The following MRPL47 variants were observed in gnomAD, a reference collection of about 807,000 sequenced individuals.
MRPL47 encodes mitochondrial ribosomal protein L47, also known as large ribosomal subunit protein uL29m.
A neutral mutation model predicts 34.0 loss-of-function variants in MRPL47; 31 were observed. The ratio of observed to expected loss-of-function variants is 0.91; its 90% CI spans 0.68 to 1.23. The LOEUF is 1.23. Ranked by LOEUF, MRPL47 falls within the 50% of genes most tolerant of loss-of-function variation. The pLI is 0.00. For synonymous variants in MRPL47, 106 were observed against 101.6 expected (o/e 1.04, Z -0.26); for missense variants, 328 against 285.8 (o/e 1.15, Z -1.07).
chr3:179,589,119 GT>G lies in MRPL47; in HGVS notation c.630-125del, dbSNP rs1339289515. ...ACATGCCAGTCCCTGTATTTGGTGT[GT>G]TATATATATTATTAAACTTGAATAG... On this transcript the variant is annotated intron_variant, in intron 6 of 6. Coordinates refer to ENST00000476781, the MANE Select transcript of MRPL47 (RefSeq NM_020409.3). The G allele has an allele frequency of 7.5e-5, 68 of 912,042 alleles. No homozygotes were observed. In the South Asian group the frequency reaches 1.3e-3, roughly 17 times the overall value. 56.5% of individuals were successfully genotyped at this position (912,042 alleles called of 1,614,324 possible). A position where few individuals can be genotyped will look rare whatever the true frequency, so the allele number is the denominator to read the frequency against.
rs1036499947 is a variant in MRPL47 at position 179,600,892 on chromosome 3, C to T, written c.305+838G>A. Among the ~76,000 whole-genome samples, 13 of 152,208 alleles carry T rather than the reference C, an allele frequency of 8.5e-5. 1 individual carries two copies. The highest frequency in any genetic ancestry group is 3.9e-4 in the Admixed American group (6 of 15,278). On this transcript the variant is annotated intron_variant, in intron 3 of 6. Transcript: ENST00000476781. ...AAATAATATTTTCTGTGTGAAACTT[C>T]CCAATTTAAAAAACAATTACAGTCC...
intron 2 of MRPL47, 120 bp downstream of exon 2, chr3:179,602,532 G>A: frequency 1.7e-6 from 1 of 585,374 alleles, no homozygotes; most frequent in Non-Finnish European, 2.8e-6. Flanking sequence ...AAAGAAAACT[G>A]AAAAAGGAAA....
At chr3:179,593,652 A>C in intron 5 of MRPL47, 113 bp downstream of exon 5, 1,163 of 657,376 alleles carry the variant, frequency 1.8e-3, no homozygotes, top group Non-Finnish European at 2.5e-3. Context: ...TATTAGACAT[A>C]TCTCTAATAT....
At chr3:179,598,425 C>CACACACACACACACAA (rs1718841949) in intron 4 of MRPL47, among the ~76,000 whole-genome samples, 1 of 125,908 alleles carries the variant, frequency 7.9e-6, no homozygotes, top group African/African-American at 3.2e-5. Context: ...CACACACACA[C>CACACACACACACACAA]AAACAAAAAA....
chr3:179,593,198 G>A (rs1718714586), intron 5 of MRPL47, among the ~76,000 whole-genome samples: 3 of 152,272 alleles, frequency 2.0e-5, no homozygotes, highest in African/African-American at 7.2e-5. Context: ...CCCAAAGGCT[G>A]ACAAGACTCT....
chr3:179,593,103 A>G (rs1718712512), intron 5 of MRPL47, among the ~76,000 whole-genome samples: 1 of 152,188 alleles, frequency 6.6e-6, no homozygotes, highest in African/African-American at 2.4e-5. Flanking sequence ...TGGGTTGAAC[A>G]GCCTCCCCAC....
In MRPL47 at chr3:179,602,804, T is replaced by C. The variant is rs374659635; in HGVS notation, c.99-7A>G. The C allele has an allele frequency of 3.8e-6, 6 of 1,598,478 alleles. No individual in the cohort carries two copies. Among genetic ancestry groups the C allele is most frequent in the Non-Finnish European group, 5.1e-6 (6 of 1,175,326 alleles). ...CAACAAACTAAGAAAAAACCTGCAATTGAACACACATAAACAAGTAAAAGT... is the reference window on the plus strand; with the variant it reads ...CAACAAACTAAGAAAAAACCTGCAACTGAACACACATAAACAAGTAAAAGT... On this transcript the variant is annotated splice_region_variant and splice_polypyrimidine_tract_variant and intron_variant, in intron 1 of 6. Coordinates refer to ENST00000476781, the MANE Select transcript of MRPL47 (RefSeq NM_020409.3).
Position 179,602,598 on chromosome 3 carries a change from C to T in MRPL47, c.244+54G>A, listed in dbSNP as rs3732999. 9.6e-4 allele frequency: 555 copies of T among 577,656 alleles called. 2 individuals are homozygous for T. Among genetic ancestry groups the T allele is most frequent in the Non-Finnish European group, 1.4e-3 (520 of 382,590 alleles). The allele number at this position is 577,656 out of a possible 1,614,324, so 35.8% of individuals were successfully genotyped here. A position where few individuals can be genotyped will look rare whatever the true frequency, so the allele number is the denominator to read the frequency against. ...ATCCTAGAACGATGGTTGGGCGGGGCGGGGGGGGGGGTTCCATAAATATAT... is the reference window on the plus strand; with the variant it reads ...ATCCTAGAACGATGGTTGGGCGGGGTGGGGGGGGGGGTTCCATAAATATAT... On this transcript the variant is annotated intron_variant, in intron 2 of 6. Coordinates refer to ENST00000476781, the MANE Select transcript of MRPL47 (RefSeq NM_020409.3).
At chr3:179,603,553 A>G (rs1263937326) in intron 1 of MRPL47, among the ~76,000 whole-genome samples, 5 of 152,170 alleles carry the variant, frequency 3.3e-5, no homozygotes, top group Non-Finnish European at 7.4e-5. Flanking sequence ...AACAAAAACA[A>G]AAAAACCTCA....
chr3:179,598,003 G>C (rs879758680), intron 4 of MRPL47, among the ~76,000 whole-genome samples: 3 of 152,172 alleles, frequency 2.0e-5, no homozygotes, highest in Admixed American at 6.5e-5. Flanking sequence ...CAAATGTAAA[G>C]TGGTATAGCT....
chr3:179,598,615 A>T, intron 4 of MRPL47, 60 bp downstream of exon 4: 1 of 1,052,480 alleles, frequency 9.5e-7, no homozygotes, highest in Non-Finnish European at 1.5e-6. Context: ...CAGGAACCAC[A>T]TACTCACTCC....
Position 179,602,559 on chromosome 3 carries a change from A to G in MRPL47, c.244+93T>C, listed in dbSNP as rs530729159. ...AAAAGGAAACATCTAAATAATTCCT[A>G]AACTGGATATATAATCCTAGAACGA... On this transcript the variant is annotated intron_variant, in intron 2 of 6. Transcript: ENST00000476781. 5.9e-6 allele frequency: 4 copies of G among 679,406 alleles called. No homozygotes were observed. The African/African-American group carries it at 8.3e-5, about 14-fold the overall frequency. The allele number at this position is 679,406 out of a possible 1,614,324, so 42.1% of individuals were successfully genotyped here. A position where few individuals can be genotyped will look rare whatever the true frequency, so the allele number is the denominator to read the frequency against.
rs117757720 is a variant in MRPL47, at chr3:179,593,070, C to T, written c.534-331G>A. Among the ~76,000 whole-genome samples the T allele has an allele frequency of 4.5e-4, 69 of 152,120 alleles. 1 individual carries two copies. The East Asian group carries it at 0.012, about 26-fold the overall frequency. ...AGCCCAAAGGTAAATAAACCTCTTT[C>T]TGAGGGGAGGTTTATTTACCTTTGG... On this transcript the variant is annotated intron_variant, in intron 5 of 6. Transcript: ENST00000476781.
chr3:179,598,397 G>GACAA (rs1718839907), intron 4 of MRPL47, among the ~76,000 whole-genome samples: 1 of 102,950 alleles, frequency 9.7e-6, no homozygotes, highest in Non-Finnish European at 1.9e-5. Context: ...CTGACACACT[G>GACAA]ACACACACAC....
At chr3:179,602,598 C>CGG (rs371595016) in intron 2 of MRPL47, 54 bp downstream of exon 2, 112 of 577,542 alleles carry the variant, frequency 1.9e-4, no homozygotes, top group East Asian at 1.6e-3. Flanking sequence ...TTGGGCGGGG[C>CGG]GGGGGGGGGG....
In MRPL47 at chr3:179,601,744, A is replaced by T. The variant is rs780459959; in HGVS notation, c.291T>A (p.Asp97Glu). Residue 97 changes from aspartate to glutamate, a missense_variant, in exon 3 of 7, where the codon GAT becomes GAA. Coordinates refer to ENST00000476781, the MANE Select transcript of MRPL47 (RefSeq NM_020409.3). Reference sequence around the variant, plus strand: ...AGTATACTTACCAAAGTTTGTGTAAATCTTCATTACTTTTGTTCCTTAGTT... The same window carrying T: ...AGTATACTTACCAAAGTTTGTGTAATTCTTCATTACTTTTGTTCCTTAGTT... ...CQQLRNKSNEDLHKLWYVLLK... is the reference protein window; with the variant it reads ...CQQLRNKSNEELHKLWYVLLK... The T allele has an allele frequency of 6.2e-7, 1 of 1,606,286 alleles. No individual in the cohort carries two copies. The highest frequency in any genetic ancestry group is 1.1e-5 in the South Asian group (1 of 90,762).
chr3:179,601,856 G>C (rs549423598), intron 2 of MRPL47, 66 bp from the exon 3 acceptor site: 12 of 1,195,964 alleles, frequency 1.0e-5, no homozygotes, highest in Non-Finnish European at 1.4e-5. Flanking sequence ...AATTATTTAA[G>C]CTCTCTAAAC....
rs1718702386 is a variant in MRPL47 at position 179,592,643 on chromosome 3, C to T, written c.629+1G>A. 2 of 1,590,466 alleles carry T rather than the reference C, an allele frequency of 1.3e-6. No homozygotes were observed. Among genetic ancestry groups the T allele is most frequent in the Non-Finnish European group, 1.7e-6 (2 of 1,158,828 alleles). On this transcript the variant is annotated splice_donor_variant, in intron 6 of 6. Coordinates refer to ENST00000476781, the MANE Select transcript of MRPL47 (RefSeq NM_020409.3). LOFTEE classifies it high-confidence loss of function. ...GTTTTATTAAAGGTGCTTGTGCTCA[C>T]CTGAGAAAATGGTCCACATAAGGCA...
chr3:179,597,225 C>T (rs1465873490), intron 4 of MRPL47, among the ~76,000 whole-genome samples: 9 of 152,192 alleles, frequency 5.9e-5, no homozygotes, highest in Non-Finnish European at 1.3e-4. Flanking sequence ...ACTCAACTTT[C>T]ACTACATCAG....
Sources: allele counts gnomAD v4.1 joint callset (sites outside exome capture counted in the v4.1 genomes callset), GRCh38; gene constraint gnomAD v4.1.1; transcripts MANE v1.5; gene names NCBI Gene and HGNC (gene_info 2026-07-23, HGNC 2026-07-21).